RPL30: variants seen among roughly 807,000 people sequenced by gnomAD.
RPL30 encodes ribosomal protein L30.
For missense variants in RPL30, 60 were observed against 138.0 expected (o/e 0.43, Z 2.83); for synonymous variants, 40 against 50.4 (o/e 0.79, Z 0.87).
At chr8:98,043,965 T>G (rs936614801) in intron 3 of RPL30, 2 of 152,188 alleles carry the variant, frequency 1.3e-5, no homozygotes, top group African/African-American at 4.8e-5. Flanking sequence ...ATACAAAAAT[T>G]AGCCAGGCAT....
Position 98,042,531 on chromosome 8 carries a change from C to A in RPL30, c.298+114G>T, listed in dbSNP as rs1586186060. ...AACTACACGATATGCCTTGCTAGAT[C>A]CATATTCTATCTGAATTTAGGAACC... On this transcript the variant is annotated intron_variant, in intron 4 of 4. Transcript: ENST00000287038. The A allele has an allele frequency of 3.0e-6, 3 of 985,786 alleles. No individual in the cohort carries two copies. In the East Asian group the frequency reaches 7.2e-5, roughly 24 times the overall value. 61.1% of individuals were successfully genotyped at this position (985,786 alleles called of 1,614,324 possible).
chr8:98,041,790 G>A lies in RPL30; in HGVS notation c.*11C>T, dbSNP rs6571. ...TAAGGTTTGCAGGTGAAATTTTGTA[G>A]GTGAAAAGGTTTACTTTTCACCAGT... On this transcript the variant is annotated 3_prime_UTR_variant, in exon 5 of 5. Transcript: ENST00000287038. The A allele has an allele frequency of 0.014, 22,368 of 1,583,230 alleles. 216 individuals are homozygous for A. Among genetic ancestry groups the A allele is most frequent in the South Asian group, 0.022 (1,849 of 85,634 alleles).
At chr8:98,044,090 A>T (rs1814432102) in intron 3 of RPL30, 1 of 152,378 alleles carries the variant, frequency 6.6e-6, no homozygotes, top group African/African-American at 2.4e-5. Flanking sequence ...AGCCGGGGTG[A>T]CAAGAGCAAA....
At chr8:98,045,262 C>A in intron 2 of RPL30, 85 bp downstream of exon 2, 1 of 1,590,084 alleles carries the variant, frequency 6.3e-7, no homozygotes, top group South Asian at 1.1e-5. Flanking sequence ...GGCATGCTGT[C>A]ACCCCCGTGG....
intron 4 of RPL30, chr8:98,042,250 A>ATG: frequency 1.9e-6 from 1 of 524,650 alleles, no homozygotes; most frequent in Non-Finnish European, 3.7e-6. Flanking sequence ...CAATTGGAAA[A>ATG]CAGAATGATG....
chr8:98,043,539 G>C (rs1335379645), intron 3 of RPL30: 1 of 150,432 alleles, frequency 6.6e-6, no homozygotes, highest in Non-Finnish European at 1.5e-5. Context: ...TCCCCTCAGT[G>C]CCCAGAATTC....
intron 4 of RPL30, chr8:98,042,362 A>G (rs1218351977): frequency 1.2e-5 from 5 of 421,880 alleles, no homozygotes; most frequent in African/African-American, 2.1e-5. Context: ...TTCTCTCCTT[A>G]TAATTTCACC....
chr8:98,044,569 T>C (rs189738326), intron 3 of RPL30: 2 of 184,214 alleles, frequency 1.1e-5, no homozygotes, highest in African/African-American at 4.7e-5. Flanking sequence ...TCTTACCTAG[T>C]TTTTTGACAC....
intron 2 of RPL30, 77 bp downstream of exon 2, chr8:98,045,270 T>A: frequency 6.3e-7 from 1 of 1,597,908 alleles, no homozygotes; most frequent in Non-Finnish European, 8.6e-7. Context: ...GTCACCCCCG[T>A]GGGCTCACAT....
rs754115292 is a variant in RPL30, at chr8:98,045,096, G to C, written c.22-8C>G. The C allele has an allele frequency of 6.8e-6, 11 of 1,612,978 alleles. No homozygotes were observed. The highest frequency in any genetic ancestry group is 1.3e-5 in the African/African-American group (1 of 74,992). On this transcript the variant is annotated splice_region_variant and splice_polypyrimidine_tract_variant and intron_variant, in intron 2 of 4. Coordinates refer to ENST00000287038, the MANE Select transcript of RPL30 (RefSeq NM_000989.4). ...CGACTCCAGCGACTTTTTCTACAAAGCAAACATTAAATACGGACCTAAGGG... is the reference window on the plus strand; with the variant it reads ...CGACTCCAGCGACTTTTTCTACAAACCAAACATTAAATACGGACCTAAGGG...
chr8:98,044,966 G>A lies in RPL30; in HGVS notation c.144C>T (p.Leu48=), dbSNP rs1175212383. ...IRQGKAKLVI[L]ANNCPALRKS... ...ACCTCAAAGCTGGGCAGTTGTTAGCGAGAATGACCAATTTCGCTTTGCCTT... is the reference window on the plus strand; with the variant it reads ...ACCTCAAAGCTGGGCAGTTGTTAGCAAGAATGACCAATTTCGCTTTGCCTT... Residue 48 remains leucine, a synonymous_variant, in exon 3 of 5, where the codon CTC becomes CTT. Transcript: ENST00000287038. The A allele has an allele frequency of 1.9e-6, 3 of 1,613,592 alleles. No individual in the cohort carries two copies. The highest frequency in any genetic ancestry group is 2.2e-5 in the South Asian group (2 of 91,046).
At position 98,042,795 on chromosome 8, in the gene RPL30, C is replaced by A; in HGVS notation, c.168-20G>T. The A allele has an allele frequency of 1.3e-6, 2 of 1,547,440 alleles. No homozygotes were observed. The highest frequency in any genetic ancestry group is 1.7e-4 in the Middle Eastern group (1 of 5,780). ...GATTTCCTTTGGGAACCAAAATGGG[C>A]AAATAAATAAATGCGATACCAAGTG... On this transcript the variant is annotated intron_variant, in intron 3 of 4. Coordinates refer to ENST00000287038, the MANE Select transcript of RPL30 (RefSeq NM_000989.4).
At chr8:98,044,610 A>G (rs1814442022) in intron 3 of RPL30, 2 of 253,052 alleles carry the variant, frequency 7.9e-6, no homozygotes, top group Non-Finnish European at 1.5e-5. Context: ...AAGCATCATT[A>G]AAGCACCTCA....
intron 3 of RPL30, 132 bp downstream of exon 3, chr8:98,044,811 A>G (rs988772110): frequency 9.5e-7 from 1 of 1,056,924 alleles, no homozygotes; most frequent in African/African-American, 1.6e-5. Context: ...GAAGGGCCAA[A>G]CACCACAATC....
Position 98,044,995 on chromosome 8 carries a change from T to C in RPL30, c.115A>G (p.Arg39Gly), listed in dbSNP as rs1176793567. 6.2e-7 allele frequency: 1 copy of C among 1,614,000 alleles called. No homozygotes were observed. The highest frequency in any genetic ancestry group is 8.5e-7 in the Non-Finnish European group (1 of 1,180,052). Residue 39 changes from arginine (R) to glycine (G), a missense_variant, in exon 3 of 5, where the codon AGA becomes GGA. Coordinates refer to ENST00000287038, the MANE Select transcript of RPL30 (RefSeq NM_000989.4). ...ATGACCAATTTCGCTTTGCCTTGTC[T>C]GATCATCTTCAGAGTCTGCTTGTAC... ...LGYKQTLKMI[R>G]QGKAKLVILA...
intron 2 of RPL30, 40 bp downstream of exon 2, chr8:98,045,307 C>G: frequency 6.2e-7 from 1 of 1,614,008 alleles, no homozygotes. Context: ...AGACATCTCT[C>G]CACGTGAATC....
chr8:98,042,754 A>G lies in RPL30; in HGVS notation c.189T>C (p.Tyr63=). Residue 63 remains tyrosine, a synonymous_variant, in exon 4 of 5, where the codon TAT becomes TAC. Transcript: ENST00000287038. The part of the protein sequence containing the change: ...PALRKSEIEY[Y]AMLAKTGVHH... The stretch of plus-strand genomic sequence containing the variant: ...GGACACCAGTTTTAGCCAACATAGC[A>G]TAGTACTCTATTTCAGATTTCCTTT... The G allele has an allele frequency of 6.4e-7, 1 of 1,572,992 alleles. No individual in the cohort carries two copies. The highest frequency in any genetic ancestry group is 8.6e-7 in the Non-Finnish European group (1 of 1,166,016).
rs1297087739 is a variant in RPL30 at position 98,044,923 on chromosome 8, C to A, written c.167+20G>T. The A allele has an allele frequency of 6.2e-7, 1 of 1,610,042 alleles. No homozygotes were observed. The highest frequency in any genetic ancestry group is 8.5e-7 in the Non-Finnish European group (1 of 1,178,858). ...CGATGAATTCGCGGTAGGCGAAGCCCGTTCAGTCTCTTCGATTACCTCAAA... is the reference window on the plus strand; with the variant it reads ...CGATGAATTCGCGGTAGGCGAAGCCAGTTCAGTCTCTTCGATTACCTCAAA... On this transcript the variant is annotated intron_variant, in intron 3 of 4. Coordinates refer to ENST00000287038, the MANE Select transcript of RPL30 (RefSeq NM_000989.4).
intron 2 of RPL30, 102 bp from the exon 3 acceptor site, chr8:98,045,190 G>T: frequency 6.5e-7 from 1 of 1,546,992 alleles, no homozygotes; most frequent in Non-Finnish European, 8.8e-7. Context: ...TTCCGAAGTC[G>T]AGGACCCCAA....
Sources: allele counts gnomAD v4.1 joint callset, GRCh38; gene constraint gnomAD v4.1.1; transcripts MANE v1.5; gene names NCBI Gene and HGNC (gene_info 2026-07-23, HGNC 2026-07-21).